The following LAMA4 variants were observed in gnomAD, a reference collection of about 807,000 sequenced individuals.
The protein encoded by LAMA4 is laminin subunit alpha 4.
Under a neutral mutation model 207.1 loss-of-function variants are expected in LAMA4, and 127 were observed. The ratio of observed to expected loss-of-function variants is 0.61; its 90% CI spans 0.53 to 0.71. The LOEUF (loss-of-function observed/expected upper bound fraction) is 0.71, where lower values mean the gene tolerates loss of function less well. Among genes scored for constraint, LAMA4 ranks in the 30% least tolerant of loss-of-function variants. The pLI is 0.00. For synonymous variants in LAMA4, 761 were observed against 816.0 expected (o/e 0.93, Z 1.15); for missense variants, 2,093 against 2,246.5 (o/e 0.93, Z 1.38).
chr6:112,139,803 T>C lies in LAMA4; in HGVS notation c.3059A>G (p.Asn1020Ser). The C allele has an allele frequency of 2.5e-6, 4 of 1,614,064 alleles. No homozygotes were observed. Among genetic ancestry groups the C allele is most frequent in the South Asian group, 1.1e-5 (1 of 91,076 alleles). The change falls in exon 23 of 39, where the codon AAC becomes AGC. Residue 1020 changes from asparagine to serine, a missense_variant. By Grantham distance (46) the Asn-to-Ser change is conservative (BLOSUM62 1). Coordinates refer to ENST00000230538, the MANE Select transcript of LAMA4 (RefSeq NM_001105206.3). ...TLNNDVISLY[N>S]FKHIYNMDPS... Reference sequence around the variant, plus strand: ...GTCCATATTATAGATGTGCTTAAAGTTGTACAAGCTGATCACATCATTATT... The same window carrying C: ...GTCCATATTATAGATGTGCTTAAAGCTGTACAAGCTGATCACATCATTATT...
At chr6:112,195,831 T>A (rs1257179154) in intron 5 of LAMA4, among the ~76,000 whole-genome samples, 1 of 152,034 alleles carries the variant, frequency 6.6e-6, no homozygotes, top group Non-Finnish European at 1.5e-5. Flanking sequence ...ACGTTGAGGG[T>A]CTTGGGTTTT....
In LAMA4 at chr6:112,154,911, T is replaced by C. The variant is rs554955397; in HGVS notation, c.1996A>G (p.Lys666Glu). The C allele has an allele frequency of 1.2e-6, 2 of 1,613,572 alleles. No homozygotes were observed. The highest frequency in any genetic ancestry group is 1.1e-5 in the South Asian group (1 of 91,074). Residue 666 changes from lysine (K) to glutamate (E), a missense_variant, in exon 16 of 39, where the codon AAA (lysine) becomes GAA (glutamate). Around this residue, in one of 3 missense-constraint regions of LAMA4, gnomAD observed 1,704 missense variants for 1,788.4 expected, o/e 0.95. Transcript: ENST00000230538. ...SGIDTQIIYHKDESENLLNQA... is the reference protein window; with the variant it reads ...SGIDTQIIYHEDESENLLNQA... Reference sequence around the variant, plus strand: ...TTGAGGAGGTTCTCACTTTCATCTTTATGGTAAATGATTTGAGTATCAATC... The same window carrying C: ...TTGAGGAGGTTCTCACTTTCATCTTCATGGTAAATGATTTGAGTATCAATC...
intron 26 of LAMA4, 120 bp from the exon 27 acceptor site, chr6:112,133,607 T>C: frequency 8.1e-7 from 1 of 1,230,022 alleles, no homozygotes; most frequent in Admixed American, 1.7e-5. Flanking sequence ...TCATTCATAT[T>C]CTCATGCTTT....
At chr6:112,124,983 C>T (rs1778602457) in intron 31 of LAMA4, among the ~76,000 whole-genome samples, 1 of 152,112 alleles carries the variant, frequency 6.6e-6, no homozygotes, top group Non-Finnish European at 1.5e-5. Context: ...TCTCGATCTC[C>T]TGACCTCTTT....
chr6:112,246,881 G>A (rs1439490894), intron 2 of LAMA4, among the ~76,000 whole-genome samples: 1 of 152,130 alleles, frequency 6.6e-6, no homozygotes, highest in Non-Finnish European at 1.5e-5. Flanking sequence ...TAACTGCTCA[G>A]ATCCTCCTAT....
chr6:112,231,977 G>A lies in LAMA4; in HGVS notation c.196-15508C>T, dbSNP rs112108676. On this transcript the variant is annotated intron_variant, in intron 2 of 38. Coordinates refer to ENST00000230538, the MANE Select transcript of LAMA4 (RefSeq NM_001105206.3). ...TATGAGACAAATGATAATGAAATTC[G>A]ACTCCAAGTGCTCTTATTTGTAAAA... Among the ~76,000 whole-genome samples the A allele has an allele frequency of 2.8e-3, 433 of 152,152 alleles. 2 individuals carry two copies. Among genetic ancestry groups the A allele is most frequent in the African/African-American group, 9.9e-3 (409 of 41,492 alleles).
At chr6:112,119,925 T>C (rs1368776646) in intron 33 of LAMA4, among the ~76,000 whole-genome samples, 1 of 152,172 alleles carries the variant, frequency 6.6e-6, no homozygotes, top group Non-Finnish European at 1.5e-5. Flanking sequence ...TCCTCACTGA[T>C]TTACTCTTCA....
chr6:112,244,867 T>G (rs1786798571), intron 2 of LAMA4, among the ~76,000 whole-genome samples: 1 of 152,216 alleles, frequency 6.6e-6, no homozygotes, highest in Non-Finnish European at 1.5e-5. Flanking sequence ...GTCTCCTTTA[T>G]GCTGAATTCT....
At chr6:112,222,182 C>A (rs781958251) in intron 2 of LAMA4, among the ~76,000 whole-genome samples, 7 of 152,174 alleles carry the variant, frequency 4.6e-5, no homozygotes, top group Non-Finnish European at 7.3e-5. Context: ...CACGCATCCT[C>A]CCTTGGGTAT....
At chr6:112,190,926 T>TCCTTCCTTC (rs1225357399) in intron 6 of LAMA4, among the ~76,000 whole-genome samples, 11 of 93,614 alleles carry the variant, frequency 1.2e-4, no homozygotes, top group Non-Finnish European at 2.4e-4. Flanking sequence ...TTTCTTTCTT[T>TCCTTCCTTC]CTTTCTTTCT....
At chr6:112,249,805 C>A (rs1787298629) in intron 2 of LAMA4, among the ~76,000 whole-genome samples, 1 of 152,180 alleles carries the variant, frequency 6.6e-6, no homozygotes, top group African/African-American at 2.4e-5. Context: ...TATTCCAGTT[C>A]TTCTAAAATA....
rs1263027963 is a variant in LAMA4 at position 112,155,034 on chromosome 6, T to C, written c.1960-87A>G. Reference sequence around the variant, plus strand: ...TGAAGGATTTAAATGACACAGTTTATCTGCTAAACACCAAGCAAAATGCAT... The same window carrying C: ...TGAAGGATTTAAATGACACAGTTTACCTGCTAAACACCAAGCAAAATGCAT... On this transcript the variant is annotated intron_variant, in intron 15 of 38. Transcript: ENST00000230538. The C allele has an allele frequency of 2.6e-5, 23 of 897,352 alleles. No homozygotes were observed. The African/African-American group carries it at 3.6e-4, about 14-fold the overall frequency. 55.6% of individuals were successfully genotyped at this position (897,352 alleles called of 1,614,324 possible).
At chr6:112,234,957 AGAT>A (rs1268637338) in intron 2 of LAMA4, among the ~76,000 whole-genome samples, 18 of 152,330 alleles carry the variant, frequency 1.2e-4, no homozygotes, top group South Asian at 1.0e-3. Flanking sequence ...ATACTCATAA[AGAT>A]GATTACTCTG....
At chr6:112,221,765 A>C (rs1351799584) in intron 2 of LAMA4, among the ~76,000 whole-genome samples, 1 of 152,236 alleles carries the variant, frequency 6.6e-6, no homozygotes, top group Non-Finnish European at 1.5e-5. Context: ...GCTGACTTCC[A>C]TCTGCCTAAA....
At chr6:112,162,676 A>G (rs1781127284) in intron 13 of LAMA4, among the ~76,000 whole-genome samples, 1 of 152,160 alleles carries the variant, frequency 6.6e-6, no homozygotes, top group African/African-American at 2.4e-5. Context: ...TATGTCTATT[A>G]TTAATACATC....
chr6:112,119,177 T>C lies in LAMA4; in HGVS notation c.4800A>G (p.Gly1600=), dbSNP rs200500729. Residue 1600 remains glycine (G), a synonymous_variant, in exon 34 of 39, where the codon GGA becomes GGG. Transcript: ENST00000230538. ...TTACCTGAACATTTTTCACAGCCTT[T>C]CCAGGAGCCACACCTCCCAAATAAA... ...GPIYLGGVAP[G]KAVKNVQINS... The C allele has an allele frequency of 6.2e-7, 1 of 1,613,964 alleles. No homozygotes were observed. The highest frequency in any genetic ancestry group is 8.5e-7 in the Non-Finnish European group (1 of 1,179,900).
chr6:112,155,531 G>T (rs782183046), intron 15 of LAMA4, 34 bp downstream of exon 15: 2 of 1,613,044 alleles, frequency 1.2e-6, no homozygotes, highest in East Asian at 2.2e-5. Flanking sequence ...CAGTGGGAAA[G>T]GCAAGGTATA....
In LAMA4 at chr6:112,230,615, G is replaced by C. The variant is rs569709975; in HGVS notation, c.196-14146C>G. Among the ~76,000 whole-genome samples, 41 of 152,302 alleles carry C rather than the reference G, an allele frequency of 2.7e-4. 1 individual carries two copies. The South Asian group carries it at 6.8e-3, about 25-fold the overall frequency. ...CTTCTTTTTGGACTTGTCTGTACCA[G>C]GGTTATTTGTTTTAACTGGTTCTCC... On this transcript the variant is annotated intron_variant, in intron 2 of 38. Coordinates refer to ENST00000230538, the MANE Select transcript of LAMA4 (RefSeq NM_001105206.3).
intron 38 of LAMA4, among the ~76,000 whole-genome samples, chr6:112,112,507 G>T (rs1404882717): frequency 1.3e-5 from 2 of 152,220 alleles, no homozygotes; most frequent in South Asian, 2.1e-4. Context: ...GATTTCTGGA[G>T]GGAAGCAATG....
Sources: allele counts gnomAD v4.1 joint callset (sites outside exome capture counted in the v4.1 genomes callset), GRCh38; gene constraint gnomAD v4.1.1; regional missense constraint gnomAD v4.1.1; transcripts MANE v1.5; gene names NCBI Gene and HGNC (gene_info 2026-07-23, HGNC 2026-07-21).